The following TENM3 variants were observed in gnomAD, a reference collection of about 807,000 sequenced individuals.
TENM3 encodes the protein teneurin-3.
TENM3 carries 63 observed loss-of-function variants against 255.1 expected under a neutral mutation model. The observed-to-expected ratio is 0.25, with a 90% confidence interval of 0.20 to 0.30. The LOEUF (loss-of-function observed/expected upper bound fraction) is 0.30, where lower values mean the gene tolerates loss of function less well. TENM3 is among the 10% of genes least tolerant of loss of function. The probability of loss-of-function intolerance (pLI) is 1.00; values close to 1 mark genes in which losing one functional copy is unlikely to be tolerated. For synonymous variants in TENM3, 1,306 were observed against 1,322.3 expected, an observed-to-expected ratio of 0.99 and a Z score of 0.27; for missense variants, 2,929 against 3,461.1, an observed-to-expected ratio of 0.85 and a Z score of 3.86.
the TENM3 span, among the ~76,000 whole-genome samples, chr4:182,108,705 A>C: frequency 1.3e-5 from 2 of 152,220 alleles, no homozygotes; most frequent in Non-Finnish European, 2.9e-5. Flanking sequence ...CTATGTGAAA[A>C]GAGCAAAAAG....
At chr4:182,592,594 G>A (rs534957931) in intron 3 of TENM3, among the ~76,000 whole-genome samples, 6 of 152,230 alleles carry the variant, frequency 3.9e-5, no homozygotes, top group East Asian at 1.9e-4. Context: ...GCGTGTTGGC[G>A]CACGCCTGTA....
the TENM3 span, among the ~76,000 whole-genome samples, chr4:181,688,796 T>C: frequency 1.3e-5 from 2 of 152,178 alleles, no homozygotes; most frequent in African/African-American, 2.4e-5. Flanking sequence ...TCTCCAACTA[T>C]TAAGCAAGAT....
the TENM3 span, among the ~76,000 whole-genome samples, chr4:181,545,445 T>C: frequency 1.3e-5 from 2 of 152,166 alleles, no homozygotes; most frequent in Non-Finnish European, 2.9e-5. Flanking sequence ...AAATTAAAAA[T>C]TATTTGTCCT....
intron 1 of TENM3, among the ~76,000 whole-genome samples, chr4:182,252,590 G>A (rs1245677949): frequency 6.6e-6 from 1 of 151,992 alleles, no homozygotes; most frequent in African/African-American, 2.4e-5. Flanking sequence ...CCCTCCTATT[G>A]TTATTTTTTT....
At chr4:182,381,081 G>A (rs1767531059) in intron 3 of TENM3, among the ~76,000 whole-genome samples, 2 of 152,320 alleles carry the variant, frequency 1.3e-5, no homozygotes, top group Non-Finnish European at 2.9e-5. Context: ...AGGGAGGGGT[G>A]TGCTCTGACC....
chr4:182,610,988 G>GCT (rs1748945822), intron 4 of TENM3, among the ~76,000 whole-genome samples: 2 of 149,634 alleles, frequency 1.3e-5, no homozygotes, highest in African/African-American at 2.5e-5. Context: ...CTCATGTGAT[G>GCT]CTCTCACCTC....
At chr4:182,539,584 G>C (rs1740662581) in intron 3 of TENM3, among the ~76,000 whole-genome samples, 1 of 152,180 alleles carries the variant, frequency 6.6e-6, no homozygotes, top group South Asian at 2.1e-4. Context: ...GATATTGGAT[G>C]TGTAAACCAG....
chr4:181,597,719 G>T, the TENM3 span, among the ~76,000 whole-genome samples: 1 of 152,052 alleles, frequency 6.6e-6, no homozygotes, highest in Non-Finnish European at 1.5e-5. Context: ...ACTGGGAAGA[G>T]CTAAAGCTGT....
rs772736330 is a variant in TENM3, at chr4:182,792,496, A to T, written c.5824A>T (p.Thr1942Ser). Residue 1942 changes from threonine to serine, a missense_variant, in exon 26 of 28, where the codon ACA (threonine) becomes TCA (serine). Around this residue, in one of 6 missense-constraint regions of TENM3, gnomAD observed 303 missense variants for 425.2 expected, o/e 0.71. Coordinates refer to ENST00000511685, the MANE Select transcript of TENM3 (RefSeq NM_001080477.4). This position sits in a 1 kb window ranked among gnomAD's most constrained non-coding sequence, Gnocchi z 6.3. Reference protein sequence around the residue: ...GLLLQTAFLGTSRRVLFKYRR... With the variant: ...GLLLQTAFLGSSRRVLFKYRR... ...GCTTCTACAAACAGCTTTCTTGGGT[A>T]CAAGTCGGAGGGTCTTATTCAAATA... 1.9e-6 allele frequency: 3 copies of T among 1,614,048 alleles called. No homozygotes were observed. Among genetic ancestry groups the T allele is most frequent in the Non-Finnish European group, 2.5e-6 (3 of 1,179,898 alleles).
At chr4:182,751,656 TAGAC>T (rs1326355650) in intron 19 of TENM3, 140 bp from the exon 20 acceptor site, 5 of 606,468 alleles carry the variant, frequency 8.2e-6, no homozygotes, top group African/African-American at 5.6e-5. Context: ...CATTATTAAA[TAGAC>T]AGTACTATTC....
chr4:181,814,287 T>C, the TENM3 span, among the ~76,000 whole-genome samples: 6 of 152,104 alleles, frequency 3.9e-5, no homozygotes, highest in Admixed American at 2.0e-4. Flanking sequence ...TATAAAAAGA[T>C]ACAATATATT....
intron 22 of TENM3, among the ~76,000 whole-genome samples, chr4:182,758,857 A>T (rs1452547781): frequency 1.3e-5 from 2 of 152,196 alleles, no homozygotes; most frequent in Non-Finnish European, 2.9e-5. Flanking sequence ...GAGCTCTGAT[A>T]ACAGGCTCTA....
the TENM3 span, among the ~76,000 whole-genome samples, chr4:181,600,576 C>T: frequency 6.6e-6 from 1 of 151,758 alleles, no homozygotes; most frequent in Admixed American, 6.6e-5. Flanking sequence ...TCCTAAGTAC[C>T]TCTCAAAACT....
the TENM3 span, among the ~76,000 whole-genome samples, chr4:181,554,729 A>T: frequency 6.6e-6 from 1 of 152,216 alleles, no homozygotes; most frequent in African/African-American, 2.4e-5. Flanking sequence ...TCGATTTCTA[A>T]AGTGGAAAAC....
At chr4:181,467,310 G>A in the TENM3 span, among the ~76,000 whole-genome samples, 1 of 149,204 alleles carries the variant, frequency 6.7e-6, no homozygotes, top group African/African-American at 2.5e-5. Flanking sequence ...ATTTTTGTAC[G>A]TTTTAGTAGA....
chr4:181,575,320 G>A, the TENM3 span, among the ~76,000 whole-genome samples: 1 of 151,308 alleles, frequency 6.6e-6, no homozygotes, highest in Non-Finnish European at 1.5e-5. Context: ...TATTTATATT[G>A]TAGTTAATTA....
At chr4:182,551,994 C>G (rs1392472557) in intron 3 of TENM3, among the ~76,000 whole-genome samples, 1 of 150,216 alleles carries the variant, frequency 6.7e-6, no homozygotes, top group African/African-American at 2.5e-5. Context: ...CCACTGCACT[C>G]CAGCCGGGGT....
chr4:182,577,147 A>G (rs1012411076), intron 3 of TENM3, among the ~76,000 whole-genome samples: 2 of 152,220 alleles, frequency 1.3e-5, no homozygotes, highest in Non-Finnish European at 2.9e-5. Context: ...GCATTAGCTT[A>G]TCGGAAAAAC....
intron 1 of TENM3, among the ~76,000 whole-genome samples, chr4:182,191,455 C>T (rs760056429): frequency 1.3e-5 from 2 of 152,152 alleles, no homozygotes; most frequent in African/African-American, 4.8e-5. Context: ...TGCCGCCTCC[C>T]TTAGAGTGTC....
Sources: gnomAD v4.1 joint callset for allele counts (sites outside exome capture counted in the v4.1 genomes callset) on GRCh38, gnomAD v4.1.1 for gene constraint, gnomAD v4.1.1 regional missense constraint, Gnocchi (gnomAD v3.1) non-coding constraint, MANE v1.5 for transcripts, NCBI Gene and HGNC (gene_info 2026-07-23, HGNC 2026-07-21) for gene names.